ST8SIA4: variants seen among roughly 807,000 people sequenced by gnomAD.
ST8SIA4 encodes the protein ST8 alpha-N-acetyl-neuraminide alpha-2,8-sialyltransferase 4, also known as CMP-N-acetylneuraminate-poly-alpha-2,8-sialyltransferase.
Under a neutral mutation model 33.9 loss-of-function variants are expected in ST8SIA4, and 15 were observed. That is an observed-to-expected ratio of 0.44 (90% confidence interval 0.30 to 0.68). The LOEUF (loss-of-function observed/expected upper bound fraction) is 0.68, where lower values mean the gene tolerates loss of function less well. Among genes scored for constraint, ST8SIA4 ranks in the 30% least tolerant of loss-of-function variants. ST8SIA4 has a pLI of 0.10. For synonymous variants in ST8SIA4, 171 were observed against 151.2 expected (o/e 1.13, Z -0.96); for missense variants, 321 against 428.0 (o/e 0.75, Z 2.21).
rs900311659 is a variant in ST8SIA4, at chr5:100,828,669, T to C, written c.798-16540A>G. Among the ~76,000 whole-genome samples the C allele has an allele frequency of 1.1e-4, 17 of 152,186 alleles. 1 individual carries two copies. Among genetic ancestry groups the C allele is most frequent in the Admixed American group, 9.8e-4 (15 of 15,284 alleles). Reference sequence around the variant, plus strand: ...CTTGCCTAAACCTGCACTTTGCCTCTAGAAAATTTAGGTAGAAAGGGCTTA... The same window carrying C: ...CTTGCCTAAACCTGCACTTTGCCTCCAGAAAATTTAGGTAGAAAGGGCTTA... On this transcript the variant is annotated intron_variant, in intron 4 of 4. Transcript: ENST00000231461.
intron 1 of ST8SIA4, among the ~76,000 whole-genome samples, chr5:100,901,871 C>T (rs1011296717): frequency 6.6e-6 from 1 of 152,102 alleles, no homozygotes; most frequent in African/African-American, 2.4e-5. Flanking sequence ...CACACACATA[C>T]ACACACACGC....
chr5:100,878,340 G>C (rs1338584339), intron 3 of ST8SIA4, among the ~76,000 whole-genome samples: 1 of 151,968 alleles, frequency 6.6e-6, no homozygotes, highest in Non-Finnish European at 1.5e-5. Flanking sequence ...ACCAGGCCTG[G>C]CTAATTTTGT....
chr5:100,815,744 T>C (rs1561382571), intron 4 of ST8SIA4, among the ~76,000 whole-genome samples: 1 of 152,148 alleles, frequency 6.6e-6, no homozygotes, highest in Non-Finnish European at 1.5e-5. Context: ...TAGAAGGCTA[T>C]ATTTATAGTC....
At chr5:100,892,680 A>T (rs542559212) in intron 2 of ST8SIA4, among the ~76,000 whole-genome samples, 9 of 152,184 alleles carry the variant, frequency 5.9e-5, no homozygotes, top group Non-Finnish European at 1.2e-4. Context: ...TAAGTTTAAT[A>T]AGATTTTTAA....
intron 4 of ST8SIA4, among the ~76,000 whole-genome samples, chr5:100,850,716 G>A (rs1162323424): frequency 1.3e-5 from 2 of 151,460 alleles, no homozygotes; most frequent in African/African-American, 4.8e-5. Flanking sequence ...ATACCTCTGT[G>A]TTTATTAAAA....
At chr5:100,822,370 T>C (rs559669199) in intron 4 of ST8SIA4, among the ~76,000 whole-genome samples, 1 of 152,204 alleles carries the variant, frequency 6.6e-6, no homozygotes, top group Non-Finnish European at 1.5e-5. Context: ...GTTTCTAAAA[T>C]AATGTTAATG....
chr5:100,832,481 A>G (rs1296104775), intron 4 of ST8SIA4, among the ~76,000 whole-genome samples: 1 of 152,188 alleles, frequency 6.6e-6, no homozygotes, highest in Non-Finnish European at 1.5e-5. Flanking sequence ...TGCTATGCCC[A>G]TAAATGAAAT....
chr5:100,845,566 C>A (rs1751550829), intron 4 of ST8SIA4, among the ~76,000 whole-genome samples: 1 of 151,776 alleles, frequency 6.6e-6, no homozygotes, highest in Non-Finnish European at 1.5e-5. Context: ...TCCGAGGTTA[C>A]CTGTGCACCT....
chr5:100,840,787 GA>G (rs3836753), intron 4 of ST8SIA4, among the ~76,000 whole-genome samples: 133,139 of 149,530 alleles, frequency 0.89, 60,115 homozygotes, highest in Non-Finnish European at 0.98. Context: ...AAGAATATAA[GA>G]AAAAAAAAAA....
intron 3 of ST8SIA4, 92 bp from the exon 4 acceptor site, chr5:100,856,488 A>T: frequency 7.9e-7 from 1 of 1,269,930 alleles, no homozygotes; most frequent in Non-Finnish European, 1.1e-6. Context: ...GGAAATAAGC[A>T]TTTTTTTAAC....
At chr5:100,862,151 T>C (rs1256602644) in intron 3 of ST8SIA4, among the ~76,000 whole-genome samples, 1 of 152,192 alleles carries the variant, frequency 6.6e-6, no homozygotes, top group African/African-American at 2.4e-5. Flanking sequence ...CTTGAATGAC[T>C]GATGGGGCCA....
intron 4 of ST8SIA4, among the ~76,000 whole-genome samples, chr5:100,839,170 C>CA (rs1250718126): frequency 6.6e-6 from 1 of 151,610 alleles, no homozygotes; most frequent in African/African-American, 2.4e-5. Flanking sequence ...TTAGAATATG[C>CA]AAAAAAATTA....
chr5:100,848,908 T>C lies in ST8SIA4; in HGVS notation c.797+7195A>G, dbSNP rs928208427. On this transcript the variant is annotated intron_variant, in intron 4 of 4. Transcript: ENST00000231461. ...GTAACTATGTGTGTCTATGTGTGTATATATATTTCTTATATATTTCAAATA... is the reference window on the plus strand; with the variant it reads ...GTAACTATGTGTGTCTATGTGTGTACATATATTTCTTATATATTTCAAATA... 1.1e-4 allele frequency among the ~76,000 whole-genome samples: 16 copies of C among 150,298 alleles called. No individual in the cohort carries two copies. In the East Asian group the frequency reaches 1.4e-3, roughly 13 times the overall value.
intron 3 of ST8SIA4, among the ~76,000 whole-genome samples, chr5:100,867,853 T>C (rs1159919415): frequency 6.6e-6 from 1 of 152,024 alleles, no homozygotes; most frequent in African/African-American, 2.4e-5. Context: ...AATCAAGCAT[T>C]GGGAAAAATA....
intron 4 of ST8SIA4, among the ~76,000 whole-genome samples, chr5:100,814,055 G>C (rs907798213): frequency 1.3e-5 from 2 of 151,962 alleles, no homozygotes; most frequent in African/African-American, 4.8e-5. Context: ...AGGTTTCCTC[G>C]AGGTTCATGT....
intron 4 of ST8SIA4, among the ~76,000 whole-genome samples, chr5:100,816,886 G>A (rs536939156): frequency 1.5e-4 from 22 of 151,366 alleles, no homozygotes; most frequent in African/African-American, 5.3e-4. Flanking sequence ...AATGTCTTTT[G>A]GTTCTTCCAG....
chr5:100,811,528 C>T lies in ST8SIA4; in HGVS notation c.*319G>A. The T allele has an allele frequency of 5.0e-6, 1 of 198,616 alleles. No homozygotes were observed. The highest frequency in any genetic ancestry group is 1.0e-5 in the Non-Finnish European group (1 of 97,000). 12.3% of individuals were successfully genotyped at this position (198,616 alleles called of 1,614,324 possible). A position where few individuals can be genotyped will look rare whatever the true frequency, so the allele number is the denominator to read the frequency against. The stretch of plus-strand genomic sequence containing the variant: ...ATATGCTTGGTGTTGCTGTGGGCAG[C>T]CTGACAGTGATGAACATATTTGCTT... On this transcript the variant is annotated 3_prime_UTR_variant, in exon 5 of 5. Transcript: ENST00000231461.
At chr5:100,849,098 A>C (rs1751630449) in intron 4 of ST8SIA4, 2 of 938,124 alleles carry the variant, frequency 2.1e-6, no homozygotes, top group Non-Finnish European at 1.3e-6. Flanking sequence ...AATTACCAAA[A>C]ATTTAATGAA....
In ST8SIA4 at chr5:100,807,029, T is replaced by C. The variant is rs1191563098; in HGVS notation, c.*4818A>G. The stretch of plus-strand genomic sequence containing the variant: ...CCTAATATTCATGGGGTTTTTGACA[T>C]TGTTCATATTCCCATGTATACACTT... On this transcript the variant is annotated 3_prime_UTR_variant, in exon 5 of 5. Coordinates refer to ENST00000231461, the MANE Select transcript of ST8SIA4 (RefSeq NM_005668.6). 6.6e-6 allele frequency: 1 copy of C among 152,092 alleles called. No homozygotes were observed. The highest frequency in any genetic ancestry group is 1.5e-5 in the Non-Finnish European group (1 of 67,954). The allele number at this position is 152,092 out of a possible 1,614,324, so 9.4% of individuals were successfully genotyped here. A position where few individuals can be genotyped will look rare whatever the true frequency, so the allele number is the denominator to read the frequency against.
Sources: gnomAD v4.1 joint callset for allele counts (sites outside exome capture counted in the v4.1 genomes callset) on GRCh38, gnomAD v4.1.1 for gene constraint, MANE v1.5 for transcripts, NCBI Gene and HGNC (gene_info 2026-07-23, HGNC 2026-07-21) for gene names.